PHACTR1: variants seen among roughly 807,000 people sequenced by gnomAD.
The protein encoded by PHACTR1 is RPEL repeat containing 1.
Under a neutral mutation model 69.2 loss-of-function variants are expected in PHACTR1, and 16 were observed. The observed-to-expected ratio is 0.23, with a 90% CI of 0.16 to 0.35. The LOEUF (loss-of-function observed/expected upper bound fraction) is 0.35, where lower values mean the gene tolerates loss of function less well. Ranked by LOEUF, PHACTR1 falls within the 10% of genes least tolerant of loss-of-function variation. The pLI, the probability that PHACTR1 is intolerant of heterozygous loss-of-function variation, is 1.00. For missense variants in PHACTR1, 510 were observed against 734.7 expected, an observed-to-expected ratio of 0.69 and a Z score of 3.54; for synonymous variants, 312 against 284.5, an observed-to-expected ratio of 1.10 and a Z score of -0.97.
intron 5 of PHACTR1, among the ~76,000 whole-genome samples, chr6:13,074,059 G>A (rs941067752): frequency 6.6e-6 from 1 of 151,944 alleles, no homozygotes; most frequent in African/African-American, 2.4e-5. Context: ...TTTTGGTAGA[G>A]ACAAGGTTTC....
At position 12,887,974 on chromosome 6, in the gene PHACTR1, G is replaced by A. The variant is rs1367411341; in HGVS notation, c.250+138184G>A. Among the ~76,000 whole-genome samples, 4 of 147,700 alleles carry A rather than the reference G, an allele frequency of 2.7e-5. No homozygotes were observed. In the Admixed American group the frequency reaches 2.8e-4, roughly 10 times the overall value. On this transcript the variant is annotated intron_variant, in intron 4 of 14. Transcript: ENST00000332995. ...TGTAGTCCCAGCTACTCGGGAGGCT[G>A]AAGCAGGAGAATTGCTTGAACCCAG... is the stretch of plus-strand genomic sequence containing the variant.
intron 4 of PHACTR1, among the ~76,000 whole-genome samples, chr6:12,878,488 AAC>A (rs1412679464): frequency 3.3e-5 from 5 of 152,338 alleles, no homozygotes. Context: ...GTAGAGTCAG[AAC>A]AAGAAAGTAA....
chr6:12,736,700 T>A (rs1764298246), intron 3 of PHACTR1, among the ~76,000 whole-genome samples: 1 of 152,146 alleles, frequency 6.6e-6, no homozygotes, highest in Admixed American at 6.5e-5. Flanking sequence ...TACAATCACT[T>A]TTTAACTTAA....
intron 4 of PHACTR1, among the ~76,000 whole-genome samples, chr6:12,800,547 G>A (rs1254857072): frequency 6.6e-6 from 1 of 152,100 alleles, no homozygotes; most frequent in Non-Finnish European, 1.5e-5. Flanking sequence ...AAGTCATAAT[G>A]AAGAGAGTGA....
At chr6:12,911,970 C>G (rs1786458194) in intron 4 of PHACTR1, among the ~76,000 whole-genome samples, 1 of 152,132 alleles carries the variant, frequency 6.6e-6, no homozygotes, top group Admixed American at 6.5e-5. Context: ...TGTTGTACCT[C>G]AAAGCTGCAT....
rs377724760 is a variant in PHACTR1, at chr6:13,021,281, C to G, written c.251-32084C>G. 2.5e-4 allele frequency among the ~76,000 whole-genome samples: 38 copies of G among 152,312 alleles called. 1 individual carries two copies. Among genetic ancestry groups the G allele is most frequent in the African/African-American group, 8.7e-4 (36 of 41,552 alleles). Reference sequence around the variant, plus strand: ...ATATATGGTACCTTATATATGGTAGCCATGCAATATATGGCTTCTTTCACT... The same window carrying G: ...ATATATGGTACCTTATATATGGTAGGCATGCAATATATGGCTTCTTTCACT... On this transcript the variant is annotated intron_variant, in intron 4 of 14. Transcript: ENST00000332995.
intron 4 of PHACTR1, among the ~76,000 whole-genome samples, chr6:12,769,769 C>T (rs1446627817): frequency 6.6e-6 from 1 of 152,172 alleles, no homozygotes; most frequent in Non-Finnish European, 1.5e-5. Context: ...GCTGGCTCAG[C>T]TGTGAGATCC....
intron 7 of PHACTR1, among the ~76,000 whole-genome samples, chr6:13,194,752 C>T (rs1023269877): frequency 2.0e-5 from 3 of 152,170 alleles, no homozygotes; most frequent in Non-Finnish European, 4.4e-5. Context: ...ATCAAAATGT[C>T]ATCCCATGAA....
At chr6:12,859,999 A>T (rs1780783589) in intron 4 of PHACTR1, among the ~76,000 whole-genome samples, 1 of 151,568 alleles carries the variant, frequency 6.6e-6, no homozygotes, top group African/African-American at 2.4e-5. Flanking sequence ...CATCATCATC[A>T]TCATCATTAT....
intron 4 of PHACTR1, among the ~76,000 whole-genome samples, chr6:12,815,261 T>C (rs1775452583): frequency 1.3e-5 from 2 of 152,216 alleles, no homozygotes; most frequent in African/African-American, 4.8e-5. Context: ...TTTGTTTTGA[T>C]AGTGCCTGTA....
In PHACTR1 at chr6:12,788,346, A is replaced by G. The variant is rs932567125; in HGVS notation, c.250+38556A>G. Among the ~76,000 whole-genome samples the G allele has an allele frequency of 3.9e-5, 6 of 152,280 alleles. No individual in the cohort carries two copies. In the East Asian group the frequency reaches 9.6e-4, roughly 24 times the overall value. ...TCTAGAGGCCATGGTCAGGAGAGAA[A>G]TATTATCTTATCAGAGTTATTTCTA... is the stretch of plus-strand genomic sequence containing the variant. On this transcript the variant is annotated intron_variant, in intron 4 of 14. Transcript: ENST00000332995.
At chr6:13,117,352 A>AT (rs1009302457) in intron 5 of PHACTR1, among the ~76,000 whole-genome samples, 4 of 152,282 alleles carry the variant, frequency 2.6e-5, no homozygotes, top group African/African-American at 9.6e-5. Flanking sequence ...ATATCTGGTC[A>AT]TTTTTTGAAA....
chr6:13,086,127 G>C (rs1278677533), intron 5 of PHACTR1, among the ~76,000 whole-genome samples: 1 of 117,630 alleles, frequency 8.5e-6, no homozygotes, highest in East Asian at 2.3e-4. Context: ...AAAGTACATA[G>C]CTACAGATAG....
rs185581631 is a variant in PHACTR1 at position 13,138,871 on chromosome 6, C to T, written c.416-21333C>T. On this transcript the variant is annotated intron_variant, in intron 5 of 14. Transcript: ENST00000332995. ...GTGACTTCTGTTTAAGGATGCACTTCCTGGCTGTCTCCTGACATTTTCTTG... is the reference window on the plus strand; with the variant it reads ...GTGACTTCTGTTTAAGGATGCACTTTCTGGCTGTCTCCTGACATTTTCTTG... Among the ~76,000 whole-genome samples the T allele has an allele frequency of 3.9e-5, 6 of 152,298 alleles. No homozygotes were observed. In the East Asian group the frequency reaches 1.2e-3, roughly 29 times the overall value.
chr6:13,023,230 A>G (rs1441220472), intron 4 of PHACTR1, among the ~76,000 whole-genome samples: 1 of 152,190 alleles, frequency 6.6e-6, no homozygotes, highest in African/African-American at 2.4e-5. Context: ...AAATCAGCCT[A>G]CAAAGAAATA....
intron 4 of PHACTR1, among the ~76,000 whole-genome samples, chr6:12,980,506 C>T (rs1367684444): frequency 3.3e-5 from 5 of 152,044 alleles, no homozygotes; most frequent in Non-Finnish European, 7.4e-5. Context: ...GTGACTTGCA[C>T]TTACCCAGTA....
intron 4 of PHACTR1, among the ~76,000 whole-genome samples, chr6:12,903,193 G>A (rs1785382307): frequency 6.6e-6 from 1 of 152,136 alleles, no homozygotes; most frequent in Non-Finnish European, 1.5e-5. Context: ...TATTTATAAG[G>A]TGGGAATGCC....
intron 8 of PHACTR1, chr6:13,213,999 AC>A (rs1284618243): frequency 6.6e-6 from 1 of 152,134 alleles, no homozygotes; most frequent in African/African-American, 2.4e-5. Context: ...AAAATATCTT[AC>A]TTTTATGATC....
rs61363396 is a variant in PHACTR1 at position 13,259,893 on chromosome 6, A to T, written c.1392-12967A>T. On this transcript the variant is annotated intron_variant, in intron 10 of 14. Transcript: ENST00000332995. ...TGGGAAGAGCTGGGCGTGCGGATCA[A>T]TAGTATTAAGAGTTGTTCTGCTCAG... 2.1e-3 allele frequency among the ~76,000 whole-genome samples: 323 copies of T among 152,322 alleles called. 1 individual carries two copies. Among genetic ancestry groups the T allele is most frequent in the African/African-American group, 7.2e-3 (301 of 41,572 alleles).
Sources: gnomAD v4.1 joint callset for allele counts (sites outside exome capture counted in the v4.1 genomes callset) on GRCh38, gnomAD v4.1.1 for gene constraint, MANE v1.5 for transcripts, NCBI Gene and HGNC (gene_info 2026-07-23, HGNC 2026-07-21) for gene names.